Variants in ANO10 observed in about 807,000 individuals in gnomAD.
ANO10 encodes anoctamin 10.
A neutral mutation model predicts 74.7 loss-of-function variants in ANO10; 77 were observed. That is an observed-to-expected ratio of 1.03 (90% CI 0.86 to 1.25). The LOEUF (loss-of-function observed/expected upper bound fraction) is 1.25, where lower values mean the gene tolerates loss of function less well. Among genes scored for constraint, ANO10 ranks in the 50% most tolerant of loss-of-function variants. The probability of loss-of-function intolerance (pLI) is 0.00; values close to 1 mark genes in which losing one functional copy is unlikely to be tolerated. For missense variants in ANO10, 721 were observed against 778.1 expected, an observed-to-expected ratio of 0.93 and a Z score of 0.87; for synonymous variants, 279 against 284.9, an observed-to-expected ratio of 0.98 and a Z score of 0.21.
At chr3:43,492,632 G>A (rs1040557963) in intron 11 of ANO10, among the ~76,000 whole-genome samples, 4 of 152,166 alleles carry the variant, frequency 2.6e-5, no homozygotes, top group Non-Finnish European at 5.9e-5. Context: ...CAAAGGATAT[G>A]AACAGACACT....
intron 11 of ANO10, among the ~76,000 whole-genome samples, chr3:43,500,111 G>GCTGGGATTAGAGGCGTGAGCCCCAAAGTA (rs2077047888): frequency 6.6e-6 from 1 of 152,118 alleles, no homozygotes; most frequent in African/African-American, 2.4e-5. Flanking sequence ...CTCCCAAAGT[G>GCTGGGATTAGAGGCGTGAGCCCCAAAGTA]CTGGGATTAG....
chr3:43,376,837 A>G (rs2125687049), intron 12 of ANO10, among the ~76,000 whole-genome samples: 1 of 152,320 alleles, frequency 6.6e-6, no homozygotes, highest in Middle Eastern at 3.4e-3. Context: ...TGCAAACAGA[A>G]ATGCGAAGAG....
intron 12 of ANO10, among the ~76,000 whole-genome samples, chr3:43,378,173 C>T (rs1178398614): frequency 6.6e-6 from 1 of 152,216 alleles, no homozygotes; most frequent in Non-Finnish European, 1.5e-5. Context: ...GGAGAACAAC[C>T]TTTAATCTAA....
At chr3:43,625,250 A>G (rs2083481174), upstream of ANO10, among the ~76,000 whole-genome samples, 1 of 152,240 alleles carries the variant, frequency 6.6e-6, no homozygotes, top group African/African-American at 2.4e-5. Flanking sequence ...TCCTGTGGCT[A>G]CATGGTCCGG....
chr3:43,540,794 C>T (rs1001054070), intron 11 of ANO10, among the ~76,000 whole-genome samples: 1 of 152,184 alleles, frequency 6.6e-6, no homozygotes, highest in Non-Finnish European at 1.5e-5. Context: ...AAGAAAGAGG[C>T]CTCCTATTGC....
At chr3:43,383,171 TG>T (rs1316227120) in intron 12 of ANO10, among the ~76,000 whole-genome samples, 3 of 151,958 alleles carry the variant, frequency 2.0e-5, no homozygotes, top group Non-Finnish European at 1.5e-5. Flanking sequence ...AGATAATCCA[TG>T]GCCGGGTGCG....
Position 43,575,652 on chromosome 3 carries a change from T to G in ANO10, c.1163-788A>C, listed in dbSNP as rs567219639. Among the ~76,000 whole-genome samples the G allele has an allele frequency of 4.6e-5, 7 of 152,346 alleles. No individual in the cohort carries two copies. In the East Asian group the frequency reaches 1.4e-3, roughly 29 times the overall value. On this transcript the variant is annotated intron_variant, in intron 6 of 12. Transcript: ENST00000292246. Reference sequence around the variant, plus strand: ...AATAATTTAAATCATCTTTTTTTTTTTGTGAGACGGAGTCTTGCTCTGTCG... The same window carrying G: ...AATAATTTAAATCATCTTTTTTTTTGTGTGAGACGGAGTCTTGCTCTGTCG...
chr3:43,452,679 A>C (rs1266351311), intron 11 of ANO10, among the ~76,000 whole-genome samples: 1 of 152,176 alleles, frequency 6.6e-6, no homozygotes, highest in African/African-American at 2.4e-5. Flanking sequence ...TTTTAATTTC[A>C]CTTGGGTATA....
chr3:43,471,260 A>C (rs144657214), intron 11 of ANO10, among the ~76,000 whole-genome samples: 1 of 152,216 alleles, frequency 6.6e-6, no homozygotes, highest in Non-Finnish European at 1.5e-5. Flanking sequence ...AAACAGAAAC[A>C]TTAGGAAAAA....
intron 1 of ANO10, among the ~76,000 whole-genome samples, chr3:43,680,068 G>A (rs555611029): frequency 8.5e-5 from 13 of 152,288 alleles, no homozygotes; most frequent in Non-Finnish European, 1.3e-4. Flanking sequence ...CACCAGCAAC[G>A]GAACAAAGCT....
intron 11 of ANO10, among the ~76,000 whole-genome samples, chr3:43,455,855 T>C (rs2075101320): frequency 6.6e-6 from 1 of 152,102 alleles, no homozygotes; most frequent in Non-Finnish European, 1.5e-5. Context: ...AAAAATAAAT[T>C]ATAATATCCT....
chr3:43,421,151 A>G (rs1421969560), intron 12 of ANO10, among the ~76,000 whole-genome samples: 1 of 152,078 alleles, frequency 6.6e-6, no homozygotes, highest in Non-Finnish European at 1.5e-5. Flanking sequence ...TGAACCCAGG[A>G]GGTGGAAGTT....
intron 1 of ANO10, among the ~76,000 whole-genome samples, chr3:43,660,206 A>G (rs1050368333): frequency 6.6e-6 from 1 of 152,128 alleles, no homozygotes; most frequent in African/African-American, 2.4e-5. Context: ...AAGGAACACA[A>G]CTCCTCGCCA....
chr3:43,447,085 G>A (rs1443001768), intron 11 of ANO10, among the ~76,000 whole-genome samples: 1 of 152,092 alleles, frequency 6.6e-6, no homozygotes, highest in Non-Finnish European at 1.5e-5. Flanking sequence ...TACCTAGACA[G>A]CACCCATACT....
intron 1 of ANO10, among the ~76,000 whole-genome samples, chr3:43,617,562 G>A (rs1330382902): frequency 6.6e-6 from 1 of 152,184 alleles, no homozygotes; most frequent in Non-Finnish European, 1.5e-5. Flanking sequence ...TGGCCCACAA[G>A]AGGTAAAGTC....
At chr3:43,628,078 T>C (rs2083509276) in intron 1 of ANO10, among the ~76,000 whole-genome samples, 1 of 152,148 alleles carries the variant, frequency 6.6e-6, no homozygotes, top group Non-Finnish European at 1.5e-5. Context: ...TACAGTCATA[T>C]AATATAAAGA....
intron 4 of ANO10, among the ~76,000 whole-genome samples, chr3:43,583,114 G>C (rs1159717094): frequency 6.6e-6 from 1 of 152,140 alleles, no homozygotes; most frequent in Non-Finnish European, 1.5e-5. Flanking sequence ...TCTAAAAATA[G>C]GACTGTGAAC....
Position 43,575,660 on chromosome 3 carries a change from C to T in ANO10, c.1163-796G>A, listed in dbSNP as rs891073679. ...AAATCATCTTTTTTTTTTTGTGAGA[C>T]GGAGTCTTGCTCTGTCGCCCAGACT... is the stretch of plus-strand genomic sequence containing the variant. On this transcript the variant is annotated intron_variant, in intron 6 of 12. Transcript: ENST00000292246. Among the ~76,000 whole-genome samples, 12 of 151,420 alleles carry T rather than the reference C, an allele frequency of 7.9e-5. No homozygotes were observed. The East Asian group carries it at 1.5e-3, about 20-fold the overall frequency.
chr3:43,624,092 A>C (rs1384949162), upstream of ANO10, among the ~76,000 whole-genome samples: 1 of 152,198 alleles, frequency 6.6e-6, no homozygotes, highest in Non-Finnish European at 1.5e-5. Flanking sequence ...ACAATTAACA[A>C]ATTAAAACTT....
Sources: gnomAD v4.1 joint callset for allele counts (sites outside exome capture counted in the v4.1 genomes callset) on GRCh38, gnomAD v4.1.1 for gene constraint, MANE v1.5 for transcripts, NCBI Gene and HGNC (gene_info 2026-07-23, HGNC 2026-07-21) for gene names.